Variants in MOSMO observed in about 807,000 individuals in gnomAD.
MOSMO encodes modulator of smoothened.
A neutral mutation model predicts 18.4 loss-of-function variants in MOSMO; 5 were observed. The observed-to-expected ratio is 0.27, with a 90% CI of 0.14 to 0.57. The LOEUF (loss-of-function observed/expected upper bound fraction) is 0.57, where lower values mean the gene tolerates loss of function less well. Among genes scored for constraint, MOSMO ranks in the 20% least tolerant of loss-of-function variants. MOSMO has a pLI of 0.92. For synonymous variants in MOSMO, 82 were observed against 82.3 expected (o/e 1.00, Z 0.02); for missense variants, 138 against 211.8 (o/e 0.65, Z 2.16).
At chr16:22,085,253 G>C (rs1174716947), downstream of MOSMO, 1 of 152,150 alleles carries the variant, frequency 6.6e-6, no homozygotes, top group Non-Finnish European at 1.5e-5. Flanking sequence ...GAGCCTCCTG[G>C]GGAATTGGAG....
chr16:22,049,839 T>A (rs780264995), intron 1 of MOSMO, among the ~76,000 whole-genome samples: 6 of 152,250 alleles, frequency 3.9e-5, no homozygotes, highest in Non-Finnish European at 5.9e-5. Flanking sequence ...TAAAACAGTT[T>A]ACTGAATAAT....
intron 1 of MOSMO, among the ~76,000 whole-genome samples, chr16:22,042,871 C>G (rs1486672838): frequency 6.6e-6 from 1 of 152,170 alleles, no homozygotes; most frequent in Admixed American, 6.5e-5. Flanking sequence ...GGAATCTCCC[C>G]ATTTACAATG....
At chr16:22,076,843 T>A (rs1375622579) in intron 2 of MOSMO, among the ~76,000 whole-genome samples, 1 of 152,206 alleles carries the variant, frequency 6.6e-6, no homozygotes, top group Non-Finnish European at 1.5e-5. Context: ...TGTTTCTGAC[T>A]CTGTTTATCT....
At chr16:22,034,720 T>G (rs1380590920) in intron 1 of MOSMO, among the ~76,000 whole-genome samples, 1 of 150,486 alleles carries the variant, frequency 6.6e-6, no homozygotes, top group East Asian at 1.9e-4. Flanking sequence ...GTTTAGAAAC[T>G]GTTTTTTTTG....
chr16:22,074,661 G>C (rs963509374), intron 1 of MOSMO, among the ~76,000 whole-genome samples: 2 of 152,182 alleles, frequency 1.3e-5, no homozygotes, highest in Admixed American at 1.3e-4. Flanking sequence ...TTGAGGGAGG[G>C]CCCTTGGGTT....
intron 2 of MOSMO, chr16:22,076,507 A>G (rs1321293970): frequency 1.3e-5 from 2 of 152,212 alleles, no homozygotes; most frequent in Non-Finnish European, 2.9e-5. Context: ...ACAACAAAGA[A>G]TTATCTGGTT....
chr16:22,073,663 C>T (rs1281033688), intron 1 of MOSMO, among the ~76,000 whole-genome samples: 1 of 151,546 alleles, frequency 6.6e-6, no homozygotes, highest in Non-Finnish European at 1.5e-5. Context: ...AAGCAATTAC[C>T]GTGAAACTTA....
At chr16:22,063,318 G>T (rs745874943) in intron 1 of MOSMO, among the ~76,000 whole-genome samples, 3 of 152,220 alleles carry the variant, frequency 2.0e-5, no homozygotes, top group Admixed American at 6.5e-5. Flanking sequence ...ATTTAGTAGA[G>T]AAATGATTTA....
At chr16:22,091,830 C>G (rs893943852), downstream of MOSMO, among the ~76,000 whole-genome samples, 1 of 152,210 alleles carries the variant, frequency 6.6e-6, no homozygotes, top group African/African-American at 2.4e-5. Context: ...ACTTTGGTGA[C>G]ATCACTTTGT....
Position 22,075,660 on chromosome 16 carries a change from G to A in MOSMO, c.280G>A (p.Glu94Lys), listed in dbSNP as rs771094381. ...GCTGGTGGCTTCCCACTGGCGAAGA[G>A]AAGCTACAAAATATGCTCGATGGAT... The part of the protein sequence containing the change: ...GLLVASHWRR[E>K]ATKYARWIAF... Residue 94 changes from glutamate to lysine, a missense_variant, in exon 2 of 3, where the codon GAA becomes AAA. Coordinates refer to ENST00000542527, the MANE Select transcript of MOSMO (RefSeq NM_001164579.2). 2 of 1,537,216 alleles carry A rather than the reference G, an allele frequency of 1.3e-6. No homozygotes were observed. Among genetic ancestry groups the A allele is most frequent in the South Asian group, 1.2e-5 (1 of 84,060 alleles).
intron 1 of MOSMO, among the ~76,000 whole-genome samples, chr16:22,051,428 CA>C (rs1368116799): frequency 6.6e-6 from 1 of 151,216 alleles, no homozygotes; most frequent in Non-Finnish European, 1.5e-5. Flanking sequence ...TTTCTACATA[CA>C]AAAAAAATCT....
intron 1 of MOSMO, among the ~76,000 whole-genome samples, chr16:22,020,167 C>T (rs1312588035): frequency 2.7e-5 from 4 of 147,502 alleles, no homozygotes; most frequent in South Asian, 2.2e-4. Context: ...GAGCCAAGAT[C>T]GTGTCATTGC....
chr16:22,024,014 T>TATATATATATATA (rs1411057144), intron 1 of MOSMO, among the ~76,000 whole-genome samples: 1 of 136,930 alleles, frequency 7.3e-6, no homozygotes, highest in African/African-American at 2.9e-5. Flanking sequence ...TATATATATA[T>TATATATATATATA]ATTTTCTTAA....
At chr16:22,026,215 C>CT (rs1230886620) in intron 1 of MOSMO, among the ~76,000 whole-genome samples, 3,431 of 122,102 alleles carry the variant, frequency 0.028, 64 homozygotes, top group Non-Finnish European at 0.038. Flanking sequence ...GAATTGCATT[C>CT]TTTTTTTTTT....
In MOSMO at chr16:22,081,080, AAGG is replaced by A. The variant is rs1308422520; in HGVS notation, c.*203_*205del. On this transcript the variant is annotated 3_prime_UTR_variant, in exon 3 of 3. Transcript: ENST00000542527. ...CTTTGGATTTAAAAAAAAAAAAAAAAAGGAGAGCCTTTTCCATAACCAAATACA... is the reference window on the plus strand; with the variant it reads ...CTTTGGATTTAAAAAAAAAAAAAAAAAGAGCCTTTTCCATAACCAAATACA... 7.4e-6 allele frequency: 2 copies of A among 271,432 alleles called. No homozygotes were observed. The highest frequency in any genetic ancestry group is 4.4e-5 in the African/African-American group (2 of 45,722). The allele number at this position is 271,432 out of a possible 1,614,324, so 16.8% of individuals were successfully genotyped here.
intron 1 of MOSMO, among the ~76,000 whole-genome samples, chr16:22,063,410 G>C (rs771865119): frequency 1.1e-4 from 16 of 152,310 alleles, no homozygotes; most frequent in Admixed American, 3.3e-4. Context: ...TGGATCCTTT[G>C]CTCTTGTGAC....
chr16:22,057,984 T>C (rs1900568799), intron 1 of MOSMO, among the ~76,000 whole-genome samples: 1 of 151,490 alleles, frequency 6.6e-6, no homozygotes, highest in African/African-American at 2.4e-5. Flanking sequence ...GTGGGGGGAG[T>C]GAGATTAGAT....
chr16:22,071,573 C>T (rs777392161), intron 1 of MOSMO, among the ~76,000 whole-genome samples: 3 of 152,168 alleles, frequency 2.0e-5, no homozygotes, highest in Non-Finnish European at 4.4e-5. Context: ...TGATGAGCGT[C>T]GAAGCTTCTT....
intron 2 of MOSMO, 43 bp downstream of exon 2, chr16:22,075,742 C>G: frequency 7.5e-7 from 1 of 1,325,388 alleles, no homozygotes; most frequent in Non-Finnish European, 1.0e-6. Context: ...AAGGCACCCA[C>G]CCACACTGGT....
Sources: gnomAD v4.1 joint callset for allele counts (sites outside exome capture counted in the v4.1 genomes callset) on GRCh38, gnomAD v4.1.1 for gene constraint, MANE v1.5 for transcripts, NCBI Gene and HGNC (gene_info 2026-07-23, HGNC 2026-07-21) for gene names.